The following TFPI variants were observed in gnomAD, a reference collection of about 807,000 sequenced individuals.
TFPI encodes the protein tissue factor pathway inhibitor, also known as anti-convertin.
TFPI carries 15 observed loss-of-function variants against 34.6 expected under a neutral mutation model. That is an observed-to-expected ratio of 0.43 (90% confidence interval 0.29 to 0.67). The LOEUF (loss-of-function observed/expected upper bound fraction) is 0.67, where lower values mean the gene tolerates loss of function less well. Ranked by LOEUF, TFPI falls within the 30% of genes least tolerant of loss-of-function variation. The pLI is 0.15. For synonymous variants in TFPI, 105 were observed against 120.1 expected (o/e 0.87, Z 0.82); for missense variants, 301 against 364.0 (o/e 0.83, Z 1.41).
chr2:187,535,452 A>C (rs968826705), intron 1 of TFPI, among the ~76,000 whole-genome samples: 1 of 152,214 alleles, frequency 6.6e-6, no homozygotes, highest in African/African-American at 2.4e-5. Flanking sequence ...ATACAACTAC[A>C]TGGAAACTGA....
chr2:187,504,564 A>G lies in TFPI; in HGVS notation c.-2-794T>C, dbSNP rs1686068767. On this transcript the variant is annotated intron_variant, in intron 1 of 7. Coordinates refer to ENST00000233156, the MANE Select transcript of TFPI (RefSeq NM_006287.6). ...GTTGTTTAAAGATCTATCGCCAAAA[A>G]GGAAAAAAAAAAAAAAGAAAAGAAA... 2.1e-5 allele frequency among the ~76,000 whole-genome samples: 3 copies of G among 142,466 alleles called. No homozygotes were observed. The South Asian group carries it at 7.0e-4, about 33-fold the overall frequency. 93.5% of individuals were successfully genotyped at this position (142,466 alleles called of 152,430 possible). A position where few individuals can be genotyped will look rare whatever the true frequency, so the allele number is the denominator to read the frequency against.
chr2:187,474,614 A>G (rs184861826), intron 6 of TFPI, among the ~76,000 whole-genome samples: 73 of 152,304 alleles, frequency 4.8e-4, no homozygotes, highest in Middle Eastern at 6.8e-3. Context: ...AGAGAAGAAT[A>G]TAAAATTACC....
intron 1 of TFPI, among the ~76,000 whole-genome samples, chr2:187,506,656 G>C (rs34607903): frequency 0.55 from 84,059 of 151,884 alleles, 24,663 homozygotes; most frequent in East Asian, 0.8. Flanking sequence ...AATAATACTG[G>C]TCAGGTATTT....
chr2:187,486,230 C>T (rs1393705327), intron 4 of TFPI, among the ~76,000 whole-genome samples: 1 of 151,354 alleles, frequency 6.6e-6, no homozygotes, highest in Non-Finnish European at 1.5e-5. Context: ...AGGAATAAAA[C>T]AATTCTTTAA....
At chr2:187,467,625 G>T in intron 7 of TFPI, 128 bp downstream of exon 7, 2 of 780,238 alleles carry the variant, frequency 2.6e-6, no homozygotes, top group Non-Finnish European at 3.7e-6. Context: ...AATTGAAGAG[G>T]ACATTTATTA....
chr2:187,467,411 A>G (rs1414387886), intron 7 of TFPI, among the ~76,000 whole-genome samples: 1 of 152,036 alleles, frequency 6.6e-6, no homozygotes, highest in Non-Finnish European at 1.5e-5. Flanking sequence ...CATTACTTTT[A>G]TATTCAGAAG....
chr2:187,488,859 A>G (rs1045933296), intron 3 of TFPI, among the ~76,000 whole-genome samples: 1 of 151,486 alleles, frequency 6.6e-6, no homozygotes, highest in African/African-American at 2.4e-5. Flanking sequence ...ATTATTACCA[A>G]TGTAGAGAAG....
Position 187,529,432 on chromosome 2 carries a change from G to A in TFPI, c.-3+24768C>T, listed in dbSNP as rs528952399. 1.7e-3 allele frequency: 265 copies of A among 152,352 alleles called. 1 individual carries two copies. Among genetic ancestry groups the A allele is most frequent in the Middle Eastern group, 6.8e-3 (2 of 292 alleles). 9.4% of individuals were successfully genotyped at this position (152,352 alleles called of 1,614,324 possible). A position where few individuals can be genotyped will look rare whatever the true frequency, so the allele number is the denominator to read the frequency against. ...TCGTTCCTGGTGAGGGCTCTCTCTT[G>A]GCTTGCCAATGGTGGCTGCTTTCTC... On this transcript the variant is annotated intron_variant, in intron 1 of 7. Transcript: ENST00000233156.
chr2:187,549,252 C>T (rs1283929395), intron 1 of TFPI, among the ~76,000 whole-genome samples: 1 of 152,056 alleles, frequency 6.6e-6, no homozygotes, highest in Non-Finnish European at 1.5e-5. Flanking sequence ...GCAGGAACCA[C>T]CTGAAACTTC....
At chr2:187,545,603 C>G (rs1211664639) in intron 1 of TFPI, among the ~76,000 whole-genome samples, 1 of 152,122 alleles carries the variant, frequency 6.6e-6, no homozygotes, top group Non-Finnish European at 1.5e-5. Context: ...ACACGCTATT[C>G]TCACAAATAT....
At chr2:187,504,217 T>G (rs1686043746) in intron 1 of TFPI, among the ~76,000 whole-genome samples, 2 of 152,190 alleles carry the variant, frequency 1.3e-5, no homozygotes, top group South Asian at 4.1e-4. Flanking sequence ...AATTCCTGAT[T>G]TATCTTTCCC....
intron 6 of TFPI, chr2:187,478,798 T>C (rs1692575066): frequency 6.2e-7 from 1 of 1,612,596 alleles, no homozygotes; most frequent in Non-Finnish European, 8.5e-7. Flanking sequence ...GTTCCTTCTT[T>C]TGTAACTGTG....
chr2:187,536,008 A>AT (rs752888180), intron 1 of TFPI, among the ~76,000 whole-genome samples: 3 of 152,228 alleles, frequency 2.0e-5, no homozygotes, highest in Non-Finnish European at 4.4e-5. Flanking sequence ...TCCTGGACAC[A>AT]TACAACCTCC....
At chr2:187,484,341 T>A in intron 5 of TFPI, 125 bp from the exon 6 acceptor site, 1 of 686,876 alleles carries the variant, frequency 1.5e-6, no homozygotes, top group Non-Finnish European at 2.5e-6. Context: ...CTATGTTAAA[T>A]TAGCAAACAG....
chr2:187,516,965 CG>C (rs1451260765), intron 1 of TFPI: 1 of 152,182 alleles, frequency 6.6e-6, no homozygotes, highest in Non-Finnish European at 1.5e-5. Flanking sequence ...ATTGCTCACT[CG>C]GGGAGCTCGG....
intron 6 of TFPI, among the ~76,000 whole-genome samples, chr2:187,472,603 T>C (rs550101848): frequency 6.6e-6 from 1 of 152,336 alleles, no homozygotes; most frequent in South Asian, 2.1e-4. Context: ...AAGAGTACTA[T>C]GTGGGACAAG....
intron 1 of TFPI, among the ~76,000 whole-genome samples, chr2:187,520,810 A>T (rs893767361): frequency 6.6e-6 from 1 of 152,102 alleles, no homozygotes; most frequent in East Asian, 1.9e-4. Flanking sequence ...TCTATACTTT[A>T]TGTTATAATT....
chr2:187,504,396 T>C (rs1407854818), intron 1 of TFPI, among the ~76,000 whole-genome samples: 1 of 152,010 alleles, frequency 6.6e-6, no homozygotes, highest in East Asian at 1.9e-4. Context: ...TTAGTCCTCT[T>C]TCCCAGTTCA....
At chr2:187,541,983 G>A (rs1688605577) in intron 1 of TFPI, among the ~76,000 whole-genome samples, 1 of 152,188 alleles carries the variant, frequency 6.6e-6, no homozygotes. Context: ...GGCATCACAA[G>A]TAACCTTCTA....
Sources: gnomAD v4.1 joint callset for allele counts (sites outside exome capture counted in the v4.1 genomes callset) on GRCh38, gnomAD v4.1.1 for gene constraint, MANE v1.5 for transcripts, NCBI Gene and HGNC (gene_info 2026-07-23, HGNC 2026-07-21) for gene names.